PLG: variants seen among roughly 807,000 people sequenced by gnomAD.
The protein encoded by PLG is plasmin.
In PLG, 41 loss-of-function variants were observed where a neutral mutation model predicts 104.4. The ratio of observed to expected loss-of-function variants is 0.39; its 90% CI spans 0.31 to 0.51. PLG has a LOEUF of 0.51. Ranked by LOEUF, PLG falls within the 20% of genes least tolerant of loss-of-function variation. PLG has a pLI of 0.76. For missense variants in PLG, 891 were observed against 1,003.6 expected, an observed-to-expected ratio of 0.89 and a Z score of 1.52; for synonymous variants, 337 against 357.1, an observed-to-expected ratio of 0.94 and a Z score of 0.63.
chr6:160,728,318 A>G (rs1777949469), intron 10 of PLG, among the ~76,000 whole-genome samples: 2 of 152,240 alleles, frequency 1.3e-5, no homozygotes, highest in Admixed American at 6.5e-5. Flanking sequence ...AAATAAAGAT[A>G]TATCACGCTT....
At position 160,724,244 on chromosome 6, in the gene PLG, A is replaced by C. The variant is rs1377845859; in HGVS notation, c.1256+1677A>C. On this transcript the variant is annotated intron_variant, in intron 10 of 18. Coordinates refer to ENST00000308192, the MANE Select transcript of PLG (RefSeq NM_000301.5). This position sits in a 1 kb window ranked among gnomAD's most constrained non-coding sequence, Gnocchi z 5.0. Reference sequence around the variant, plus strand: ...TTAAATAAAACATGAACATGGAAGAAACAAATGGATAATATCAAAAAAGAA... The same window carrying C: ...TTAAATAAAACATGAACATGGAAGACACAAATGGATAATATCAAAAAAGAA... 6.6e-6 allele frequency among the ~76,000 whole-genome samples: 1 copy of C among 152,202 alleles called. No homozygotes were observed. The highest frequency in any genetic ancestry group is 1.5e-5 in the Non-Finnish European group (1 of 68,034).
At chr6:160,715,961 C>T (rs1777721490) in intron 6 of PLG, among the ~76,000 whole-genome samples, 1 of 152,254 alleles carries the variant, frequency 6.6e-6, no homozygotes, top group Non-Finnish European at 1.5e-5. Context: ...TCCAACAGCC[C>T]TGGCCACTGG....
Position 160,752,048 on chromosome 6 carries a change from G to A in PLG, c.2126-67G>A. On this transcript the variant is annotated intron_variant, in intron 17 of 18. Transcript: ENST00000308192. The surrounding 1 kb of genome is among the most constrained non-coding windows in gnomAD (Gnocchi z 4.7). The stretch of plus-strand genomic sequence containing the variant: ...ACAGGAGGTCCAGTGCCGCTGCTCT[G>A]TTCTGGAATATCCTCCTGAATGTGT... The A allele has an allele frequency of 7.0e-7, 1 of 1,436,184 alleles. No homozygotes were observed. Among genetic ancestry groups the A allele is most frequent in the African/African-American group, 1.4e-5 (1 of 71,606 alleles). 89.0% of individuals were successfully genotyped at this position (1,436,184 alleles called of 1,614,324 possible).
chr6:160,706,702 T>A, intron 2 of PLG, 160 bp downstream of exon 2: 2 of 712,296 alleles, frequency 2.8e-6, no homozygotes, highest in South Asian at 3.6e-5. Flanking sequence ...TAACAGCTTC[T>A]TGTTAAGGTT....
intron 1 of PLG, among the ~76,000 whole-genome samples, chr6:160,704,059 T>C (rs528191040): frequency 7.9e-5 from 12 of 152,314 alleles, no homozygotes; most frequent in African/African-American, 2.9e-4. Context: ...GAGGAAGAAA[T>C]TCTCACACCA....
At chr6:160,748,895 C>T (rs1389658321) in intron 17 of PLG, among the ~76,000 whole-genome samples, 3 of 152,174 alleles carry the variant, frequency 2.0e-5, no homozygotes, top group Non-Finnish European at 4.4e-5. Context: ...AGAGGTCGAA[C>T]TTGTGTCACC....
At chr6:160,708,947 G>A (rs1777583431) in intron 3 of PLG, among the ~76,000 whole-genome samples, 1 of 150,046 alleles carries the variant, frequency 6.7e-6, no homozygotes, top group South Asian at 2.1e-4. Context: ...AACTAAATAG[G>A]ATCACCTAAT....
At chr6:160,721,186 T>C (rs1404839100) in intron 9 of PLG, among the ~76,000 whole-genome samples, 2 of 152,226 alleles carry the variant, frequency 1.3e-5, no homozygotes, top group Non-Finnish European at 2.9e-5. Context: ...TCTGATAGTT[T>C]CCAGATGGCG....
intron 6 of PLG, among the ~76,000 whole-genome samples, chr6:160,715,687 G>T (rs999913954): frequency 2.0e-4 from 30 of 152,064 alleles, no homozygotes; most frequent in African/African-American, 7.0e-4. Flanking sequence ...CTGAGCCACA[G>T]ATTCCACGGT....
chr6:160,737,063 C>A lies in PLG; in HGVS notation c.1802+56C>A. The A allele has an allele frequency of 6.2e-7, 1 of 1,606,998 alleles. No individual in the cohort carries two copies. Among genetic ancestry groups the A allele is most frequent in the Admixed American group, 1.7e-5 (1 of 59,844 alleles). On this transcript the variant is annotated intron_variant, in intron 14 of 18. Coordinates refer to ENST00000308192, the MANE Select transcript of PLG (RefSeq NM_000301.5). This position sits in a 1 kb window ranked among gnomAD's most constrained non-coding sequence, Gnocchi z 4.7. ...GTCCCTCCACGTAAGCCCTGCAAAA[C>A]CCTTCTACATTTACATAAAATCCAC...
At chr6:160,751,177 CTA>C (rs1348293708) in intron 17 of PLG, among the ~76,000 whole-genome samples, 4 of 152,088 alleles carry the variant, frequency 2.6e-5, no homozygotes, top group African/African-American at 9.7e-5. Context: ...AGAAATATGT[CTA>C]TGTAATTTAT....
chr6:160,702,485 T>C (rs1777435958), intron 1 of PLG, 132 bp downstream of exon 1: 15 of 1,219,068 alleles, frequency 1.2e-5, no homozygotes, highest in Non-Finnish European at 1.7e-5. Flanking sequence ...AAATCTTGTA[T>C]AAGATTGAGG....
intron 8 of PLG, 40 bp downstream of exon 8, chr6:160,718,496 GA>G: frequency 6.5e-7 from 1 of 1,547,154 alleles, no homozygotes; most frequent in Non-Finnish European, 8.9e-7. Flanking sequence ...TATGGAATGT[GA>G]AATCCCATTG....
chr6:160,733,550 G>A (rs7454404), intron 12 of PLG, among the ~76,000 whole-genome samples: 20 of 131,168 alleles, frequency 1.5e-4, no homozygotes, highest in African/African-American at 5.3e-4. Context: ...TAATAGAAAG[G>A]AAGAAGAGGC....
chr6:160,712,980 C>T lies in PLG; in HGVS notation c.408-6C>T, dbSNP rs1582934432. ...AGTCTAAGTGCTTCTTTTCCATCCT[C>T]CCCAGATTCTCACCTGCTACACACC... On this transcript the variant is annotated splice_polypyrimidine_tract_variant and splice_region_variant and intron_variant, in intron 4 of 18. Transcript: ENST00000308192. The T allele has an allele frequency of 6.2e-7, 1 of 1,608,950 alleles. No individual in the cohort carries two copies. Among genetic ancestry groups the T allele is most frequent in the Non-Finnish European group, 8.5e-7 (1 of 1,177,156 alleles).
chr6:160,705,326 C>T (rs1562370281), intron 1 of PLG: 1 of 150,102 alleles, frequency 6.7e-6, no homozygotes, highest in Non-Finnish European at 1.5e-5. Context: ...ACAGCTGAGG[C>T]CCCCTTGGCC....
At chr6:160,710,876 C>A (rs1286018452) in intron 3 of PLG, among the ~76,000 whole-genome samples, 1 of 152,202 alleles carries the variant, frequency 6.6e-6, no homozygotes, top group Non-Finnish European at 1.5e-5. Context: ...ACACAGAGAG[C>A]TCATAAGTAG....
At chr6:160,748,370 A>AGAGAGAGAGAGAG (rs1562383303) in intron 17 of PLG, among the ~76,000 whole-genome samples, 10 of 41,398 alleles carry the variant, frequency 2.4e-4, no homozygotes, top group African/African-American at 7.4e-4. Flanking sequence ...GAAAGAAAGA[A>AGAGAGAGAGAGAG]AGAAAGAAAG....
intron 1 of PLG, among the ~76,000 whole-genome samples, chr6:160,704,130 G>A (rs1266480399): frequency 1.3e-5 from 2 of 152,178 alleles, no homozygotes; most frequent in Non-Finnish European, 2.9e-5. Context: ...TAATATAAAT[G>A]TATTTTTCCA....
Sources: allele counts gnomAD v4.1 joint callset (sites outside exome capture counted in the v4.1 genomes callset), GRCh38; gene constraint gnomAD v4.1.1; non-coding constraint Gnocchi (gnomAD v3.1); transcripts MANE v1.5; gene names NCBI Gene and HGNC (gene_info 2026-07-23, HGNC 2026-07-21).